The following CPSF6 variants were observed in gnomAD, a reference collection of about 807,000 sequenced individuals.
The protein encoded by CPSF6 is cleavage and polyadenylation specificity factor subunit 6.
Under a neutral mutation model 56.7 loss-of-function variants are expected in CPSF6, and 10 were observed. That is an observed-to-expected ratio of 0.18 (90% CI 0.11 to 0.30). CPSF6 has a LOEUF of 0.30. CPSF6 is among the 10% of genes least tolerant of loss of function. The pLI, the probability that CPSF6 is intolerant of heterozygous loss-of-function variation, is 1.00. For synonymous variants in CPSF6, 248 were observed against 244.8 expected (o/e 1.01, Z -0.12); for missense variants, 419 against 722.9 (o/e 0.58, Z 4.82).
rs754105016 is a variant in CPSF6 at position 69,256,712 on chromosome 12, T to G, written c.390T>G (p.Gly130=). The change falls in exon 4 of 10, where the codon GGT becomes GGG. Residue 130 remains glycine (G), a synonymous_variant. Transcript: ENST00000435070. ...NGQSKGFALV[G]VGSEASSKKL... is the part of the protein sequence containing the mutation. ...CACTTTTTAGGTTTGCCCTTGTTGG[T>G]GTTGGATCTGAAGCATCTTCAAAAA... 3.1e-6 allele frequency: 5 copies of G among 1,612,808 alleles called. No homozygotes were observed. The highest frequency in any genetic ancestry group is 4.2e-6 in the Non-Finnish European group (5 of 1,179,594).
Position 69,269,666 on chromosome 12 carries a change from A to G in CPSF6, c.*158A>G. 3.9e-6 allele frequency: 1 copy of G among 255,682 alleles called. No individual in the cohort carries two copies. The highest frequency in any genetic ancestry group is 8.0e-6 in the Non-Finnish European group (1 of 124,974). 15.8% of individuals were successfully genotyped at this position (255,682 alleles called of 1,614,324 possible). ...ATCTGAATAAAGCAAATCTGCATAA[A>G]TGGTAACCAGTAGCTCTACTTTTAT... On this transcript the variant is annotated 3_prime_UTR_variant, in exon 10 of 10. Coordinates refer to ENST00000435070, the MANE Select transcript of CPSF6 (RefSeq NM_007007.3).
intron 1 of CPSF6, 31 bp downstream of exon 1, chr12:69,239,737 C>G: frequency 1.3e-6 from 2 of 1,559,112 alleles, no homozygotes; most frequent in South Asian, 1.2e-5. Flanking sequence ...CCGCCGCCGA[C>G]GCGGGCGGCG....
intron 1 of CPSF6, among the ~76,000 whole-genome samples, chr12:69,241,083 CT>C (rs1822682683): frequency 6.6e-6 from 1 of 152,056 alleles, no homozygotes; most frequent in Non-Finnish European, 1.5e-5. Context: ...GAGATCTTTA[CT>C]GTTTTATTTT....
At chr12:69,241,136 A>C (rs1035415176) in intron 1 of CPSF6, among the ~76,000 whole-genome samples, 1 of 152,252 alleles carries the variant, frequency 6.6e-6, no homozygotes, top group Non-Finnish European at 1.5e-5. Flanking sequence ...ATTAGAAAAC[A>C]GAAAAATACC....
intron 1 of CPSF6, among the ~76,000 whole-genome samples, chr12:69,245,498 G>A (rs982438731): frequency 2.0e-5 from 3 of 152,130 alleles, no homozygotes; most frequent in Non-Finnish European, 4.4e-5. Flanking sequence ...CATCCACTGG[G>A]GGTCTTGGAA....
At position 69,273,030 on chromosome 12, in the gene CPSF6, G is replaced by A. The variant is rs962860433; in HGVS notation, c.*3522G>A. On this transcript the variant is annotated 3_prime_UTR_variant, in exon 10 of 10. Transcript: ENST00000435070. ...AAAAATTATAAATTTATTAAGATGTGGCCTTACATATGGCATTCCTTGTGT... is the reference window on the plus strand; with the variant it reads ...AAAAATTATAAATTTATTAAGATGTAGCCTTACATATGGCATTCCTTGTGT... 2 of 239,956 alleles carry A rather than the reference G, an allele frequency of 8.3e-6. No homozygotes were observed. The highest frequency in any genetic ancestry group is 9.9e-5 in the South Asian group (2 of 20,294). The allele number at this position is 239,956 out of a possible 1,614,324, so 14.9% of individuals were successfully genotyped here. A position where few individuals can be genotyped will look rare whatever the true frequency, so the allele number is the denominator to read the frequency against.
Position 69,273,174 on chromosome 12 carries a change from T to C in CPSF6, c.*3666T>C. The C allele has an allele frequency of 1.9e-6, 1 of 518,074 alleles. No homozygotes were observed. The highest frequency in any genetic ancestry group is 1.5e-5 in the South Asian group (1 of 68,076). The allele number at this position is 518,074 out of a possible 1,614,324, so 32.1% of individuals were successfully genotyped here. ...TTCTGGGAGGAAGTTCTTATACTCT[T>C]CTTTCTTGGCATTAGAAAGAAGCAA... On this transcript the variant is annotated 3_prime_UTR_variant, in exon 10 of 10. Coordinates refer to ENST00000435070, the MANE Select transcript of CPSF6 (RefSeq NM_007007.3).
chr12:69,267,248 T>G (rs563438165), intron 9 of CPSF6, among the ~76,000 whole-genome samples: 2 of 152,178 alleles, frequency 1.3e-5, no homozygotes, highest in South Asian at 2.1e-4. Flanking sequence ...CTAACAAATG[T>G]GCATAGATAA....
chr12:69,248,020 T>C (rs1872006330), intron 1 of CPSF6, among the ~76,000 whole-genome samples: 1 of 152,194 alleles, frequency 6.6e-6, no homozygotes, highest in African/African-American at 2.4e-5. Flanking sequence ...CTACAACCAC[T>C]TGGAAGCAGT....
chr12:69,248,616 T>C (rs1052032672), intron 1 of CPSF6, among the ~76,000 whole-genome samples: 1 of 152,220 alleles, frequency 6.6e-6, no homozygotes, highest in Non-Finnish European at 1.5e-5. Flanking sequence ...TTACTTTGTT[T>C]AACAAAAACT....
chr12:69,263,502 G>A (rs781146176), intron 9 of CPSF6, among the ~76,000 whole-genome samples: 2 of 151,908 alleles, frequency 1.3e-5, no homozygotes, highest in African/African-American at 4.8e-5. Flanking sequence ...AGGTTATTCT[G>A]TAAATTAAAA....
chr12:69,266,857 A>C (rs1159441998), intron 9 of CPSF6, among the ~76,000 whole-genome samples: 1 of 152,152 alleles, frequency 6.6e-6, no homozygotes, highest in Non-Finnish European at 1.5e-5. Flanking sequence ...TGCTTTACTT[A>C]AAATGAGGTA....
chr12:69,245,738 C>T (rs1479462876), intron 1 of CPSF6, among the ~76,000 whole-genome samples: 2 of 152,152 alleles, frequency 1.3e-5, no homozygotes, highest in East Asian at 3.8e-4. Flanking sequence ...AGTTTCTGCT[C>T]TGTCAGGCCA....
chr12:69,253,050 G>T lies in CPSF6; in HGVS notation c.271-1G>T. 6.5e-7 allele frequency: 1 copy of T among 1,533,866 alleles called. No homozygotes were observed. The highest frequency in any genetic ancestry group is 1.3e-5 in the South Asian group (1 of 79,574). The stretch of plus-strand genomic sequence containing the variant: ...TTAATGAGGGGGAAAATATCTTGCA[G>T]TGGACAACAGATGAAGACTTAACTG... On this transcript the variant is annotated splice_acceptor_variant, in intron 2 of 9. Transcript: ENST00000435070. LOFTEE classifies it high-confidence loss of function.
intron 1 of CPSF6, among the ~76,000 whole-genome samples, chr12:69,249,156 G>C (rs879734454): frequency 6.5e-5 from 4 of 61,552 alleles, no homozygotes; most frequent in Non-Finnish European, 1.3e-4. Flanking sequence ...GCTACTCGGG[G>C]GGGGGGGGGG....
intron 1 of CPSF6, among the ~76,000 whole-genome samples, chr12:69,245,843 T>G (rs934706150): frequency 3.3e-5 from 5 of 152,122 alleles, no homozygotes; most frequent in African/African-American, 1.2e-4. Flanking sequence ...TCCAGCAGTT[T>G]GGGAGGCTGA....
intron 7 of CPSF6, 170 bp from the exon 8 acceptor site, chr12:69,259,874 C>T (rs1872672106): frequency 9.3e-6 from 2 of 215,378 alleles, no homozygotes; most frequent in Admixed American, 6.5e-5. Flanking sequence ...ATATCATGAG[C>T]ATGAAAGGCT....
At chr12:69,248,592 G>A (rs1872037777) in intron 1 of CPSF6, among the ~76,000 whole-genome samples, 1 of 152,140 alleles carries the variant, frequency 6.6e-6, no homozygotes, top group Non-Finnish European at 1.5e-5. Context: ...TGTGGTCATT[G>A]CAATTTGAGC....
At chr12:69,241,425 T>A (rs1428153386) in intron 1 of CPSF6, among the ~76,000 whole-genome samples, 1 of 152,242 alleles carries the variant, frequency 6.6e-6, no homozygotes, top group East Asian at 1.9e-4. Flanking sequence ...GAACAACGAT[T>A]GAGTGTTCAA....
Sources: gnomAD v4.1 joint callset for allele counts (sites outside exome capture counted in the v4.1 genomes callset) on GRCh38, gnomAD v4.1.1 for gene constraint, MANE v1.5 for transcripts, NCBI Gene and HGNC (gene_info 2026-07-23, HGNC 2026-07-21) for gene names.